The following MYO16 variants were observed in gnomAD, a reference collection of about 807,000 sequenced individuals.
The protein encoded by MYO16 is myosin XVI, also known as unconventional myosin-XVI.
MYO16 carries 94 observed loss-of-function variants against 205.3 expected under a neutral mutation model. The observed-to-expected ratio is 0.46, with a 90% CI of 0.39 to 0.54. MYO16 has a LOEUF of 0.54. MYO16 is among the 20% of genes least tolerant of loss of function. MYO16 has a pLI of 0.00. For missense variants in MYO16, 2,315 were observed against 2,387.5 expected, an observed-to-expected ratio of 0.97 and a Z score of 0.63; for synonymous variants, 988 against 954.0, an observed-to-expected ratio of 1.04 and a Z score of -0.66.
At chr13:109,079,423 A>G (rs1424985512) in intron 27 of MYO16, among the ~76,000 whole-genome samples, 1 of 152,036 alleles carries the variant, frequency 6.6e-6, no homozygotes, top group East Asian at 1.9e-4. Flanking sequence ...CTCCTGGAAC[A>G]CTATGCAGCC....
chr13:108,899,385 T>C (rs921562635), intron 15 of MYO16, among the ~76,000 whole-genome samples: 1 of 151,362 alleles, frequency 6.6e-6, no homozygotes, highest in African/African-American at 2.4e-5. Context: ...ATCACACCAT[T>C]GCACTCCAGC....
intron 10 of MYO16, among the ~76,000 whole-genome samples, chr13:108,852,124 A>G (rs1320057467): frequency 6.6e-6 from 1 of 152,206 alleles, no homozygotes; most frequent in African/African-American, 2.4e-5. Context: ...ACGACTTCTC[A>G]GATAATCTAA....
rs753082389 is a variant in MYO16, at chr13:109,162,290, G to A, written c.5165-2611G>A. ...AGTCAGCAAGTGCCTTAGAGGATTC[G>A]TTTATTGCCACCAGGTGTAAGAGGA... On this transcript the variant is annotated intron_variant, in intron 32 of 34. Coordinates refer to ENST00000457511, the MANE Select transcript of MYO16 (RefSeq NM_001198950.3). This position sits in a 1 kb window ranked among gnomAD's most constrained non-coding sequence, Gnocchi z 4.6. Among the ~76,000 whole-genome samples, 1 of 152,180 alleles carries A rather than the reference G, an allele frequency of 6.6e-6. No homozygotes were observed. Among genetic ancestry groups the A allele is most frequent in the Non-Finnish European group, 1.5e-5 (1 of 68,042 alleles).
chr13:108,516,557 C>G, the MYO16 span, among the ~76,000 whole-genome samples: 1 of 152,296 alleles, frequency 6.6e-6, no homozygotes, highest in South Asian at 2.1e-4. Context: ...CTATAACACA[C>G]ACAGAGAAAA....
chr13:108,701,740 T>C (rs1002849415), intron 2 of MYO16, among the ~76,000 whole-genome samples: 18 of 152,138 alleles, frequency 1.2e-4, no homozygotes, highest in African/African-American at 3.9e-4. Context: ...AGCCCAGATA[T>C]TAGATTTACT....
the MYO16 span, among the ~76,000 whole-genome samples, chr13:108,505,863 T>G: frequency 6.6e-6 from 1 of 152,162 alleles, no homozygotes; most frequent in Admixed American, 6.5e-5. Flanking sequence ...AAAGATCAAA[T>G]GTCATTGTCT....
intron 15 of MYO16, among the ~76,000 whole-genome samples, chr13:108,902,927 A>G (rs1052956003): frequency 4.6e-5 from 7 of 152,170 alleles, no homozygotes; most frequent in Admixed American, 3.9e-4. Flanking sequence ...TTTCAATTGC[A>G]TGTTATTCTG....
chr13:108,793,007 A>AT (rs1426404471), intron 5 of MYO16, among the ~76,000 whole-genome samples: 1 of 152,208 alleles, frequency 6.6e-6, no homozygotes, highest in African/African-American at 2.4e-5. Flanking sequence ...ATAAGGCATC[A>AT]TATCATACTT....
At chr13:109,088,582 C>A (rs1048054868) in intron 27 of MYO16, among the ~76,000 whole-genome samples, 3 of 151,892 alleles carry the variant, frequency 2.0e-5, no homozygotes, top group Non-Finnish European at 4.4e-5. Context: ...CCCATATTGT[C>A]TGGGAGGAGA....
At chr13:108,748,265 CAA>C (rs1219824931) in intron 4 of MYO16, among the ~76,000 whole-genome samples, 1 of 151,722 alleles carries the variant, frequency 6.6e-6, no homozygotes, top group African/African-American at 2.4e-5. Flanking sequence ...ATATGTAGCC[CAA>C]AAAAGTCTCA....
intron 3 of MYO16, among the ~76,000 whole-genome samples, chr13:108,715,802 T>C (rs1371660566): frequency 6.6e-6 from 1 of 152,176 alleles, no homozygotes; most frequent in East Asian, 1.9e-4. Context: ...CAAAGGCTTT[T>C]CTCACTCTCC....
intron 23 of MYO16, among the ~76,000 whole-genome samples, chr13:109,031,755 C>G (rs1421919218): frequency 1.3e-5 from 2 of 151,998 alleles, no homozygotes; most frequent in African/African-American, 4.8e-5. Flanking sequence ...TAGTTTTTTC[C>G]TTGTAACCAG....
chr13:108,500,227 TTTTTGTTTTTTTTG>T, the MYO16 span, among the ~76,000 whole-genome samples: 3,471 of 9,566 alleles, frequency 0.36, 1,172 homozygotes, highest in Non-Finnish European at 0.52. Context: ...TTTTGTTTTT[TTTTTGTTTTTTTTG>T]TTTTTTTTTT....
chr13:108,950,579 C>G (rs966275349), intron 16 of MYO16, among the ~76,000 whole-genome samples: 9 of 152,110 alleles, frequency 5.9e-5, no homozygotes, highest in East Asian at 3.9e-4. Flanking sequence ...CTCACTGCCC[C>G]CTGCATTGCT....
At position 109,140,975 on chromosome 13, in the gene MYO16, G is replaced by T; in HGVS notation, c.4763G>T (p.Arg1588Leu). The change falls in exon 32 of 35, where the codon CGA (arginine) becomes CTA (leucine). Residue 1588 changes from arginine (R) to leucine (L), a missense_variant. Physicochemically the swap from Arg to Leu is moderately radical, Grantham distance 102. This residue lies in a region of MYO16 where 1,097 missense variants were observed against 1,092.0 expected (regional missense o/e 1.00). Transcript: ENST00000457511. The surrounding 1 kb of genome is among the most constrained non-coding windows in gnomAD (Gnocchi z 8.0). Reference sequence around the variant, plus strand: ...CTGGCGCTGTTCAACGGGTCCGGCCGAGCCTCCCCGCCGTCCACGCCGCCC... The same window carrying T: ...CTGGCGCTGTTCAACGGGTCCGGCCTAGCCTCCCCGCCGTCCACGCCGCCC... ...PGLALFNGSG[R>L]ASPPSTPPPP... 1 of 1,429,738 alleles carries T rather than the reference G, an allele frequency of 7.0e-7. No homozygotes were observed. Among genetic ancestry groups the T allele is most frequent in the Non-Finnish European group, 9.2e-7 (1 of 1,086,944 alleles). The allele number at this position is 1,429,738 out of a possible 1,614,324, so 88.6% of individuals were successfully genotyped here. A position where few individuals can be genotyped will look rare whatever the true frequency, so the allele number is the denominator to read the frequency against.
chr13:109,048,278 A>C, intron 24 of MYO16: 2 of 696,974 alleles, frequency 2.9e-6, no homozygotes, highest in Admixed American at 2.4e-5. Context: ...TCTTTTATGT[A>C]AATTTGTACA....
At chr13:108,642,643 C>G (rs1880557642) in intron 1 of MYO16, among the ~76,000 whole-genome samples, 1 of 151,940 alleles carries the variant, frequency 6.6e-6, no homozygotes, top group African/African-American at 2.4e-5. Flanking sequence ...GTCTCAAACT[C>G]CTGACCTCAG....
the MYO16 span, among the ~76,000 whole-genome samples, chr13:108,538,370 C>G: frequency 6.6e-6 from 1 of 152,020 alleles, no homozygotes; most frequent in Non-Finnish European, 1.5e-5. Flanking sequence ...CAATGTTAAA[C>G]AAGGTAAGTG....
chr13:109,072,318 A>AAG (rs1594058557), intron 27 of MYO16, among the ~76,000 whole-genome samples: 6 of 152,170 alleles, frequency 3.9e-5, no homozygotes, highest in African/African-American at 1.4e-4. Context: ...ATTTGGAATA[A>AAG]AGATTTGCTC....
Sources: allele counts gnomAD v4.1 joint callset (sites outside exome capture counted in the v4.1 genomes callset), GRCh38; gene constraint gnomAD v4.1.1; regional missense constraint gnomAD v4.1.1; non-coding constraint Gnocchi (gnomAD v3.1); transcripts MANE v1.5; gene names NCBI Gene and HGNC (gene_info 2026-07-23, HGNC 2026-07-21).